Variants in E2F8 observed in about 807,000 individuals in gnomAD.
E2F8 encodes the protein transcription factor E2F8.
In E2F8, 35 loss-of-function variants were observed where a neutral mutation model predicts 80.8. The observed-to-expected ratio is 0.43, with a 90% CI of 0.33 to 0.57. The LOEUF (loss-of-function observed/expected upper bound fraction) is 0.57, where lower values mean the gene tolerates loss of function less well. Among genes scored for constraint, E2F8 ranks in the 20% least tolerant of loss-of-function variants. The pLI, the probability that E2F8 is intolerant of heterozygous loss-of-function variation, is 0.04. For synonymous variants in E2F8, 386 were observed against 395.0 expected, an observed-to-expected ratio of 0.98 and a Z score of 0.27; for missense variants, 975 against 1,056.2, an observed-to-expected ratio of 0.92 and a Z score of 1.07.
intron 12 of E2F8, 109 bp from the exon 13 acceptor site, chr11:19,224,949 G>A: frequency 7.5e-7 from 1 of 1,338,674 alleles, no homozygotes; most frequent in Non-Finnish European, 1.0e-6. Flanking sequence ...TTGGGAAACT[G>A]GCGTATCTTG....
chr11:19,234,474 T>G lies in E2F8; in HGVS notation c.814A>C (p.Lys272Gln). 6.2e-7 allele frequency: 1 copy of G among 1,614,224 alleles called. No individual in the cohort carries two copies. Among genetic ancestry groups the G allele is most frequent in the Non-Finnish European group, 8.5e-7 (1 of 1,180,040 alleles). Residue 272 changes from lysine to glutamine, a missense_variant, in exon 6 of 13, where the codon AAA (lysine) becomes CAA (glutamine). Physicochemically the swap from Lys to Gln is moderately conservative, Grantham distance 53. Transcript: ENST00000250024. Reference protein sequence around the residue: ...KDKSLRVMSQKFVMLFLVSTP... With the variant: ...KDKSLRVMSQQFVMLFLVSTP... ...GACACCAAAAACAGCATCACAAATT[T>G]CTGGCTCATTACCCTTAAAGACTTG... is the stretch of plus-strand genomic sequence containing the variant.
rs1851576080 is a variant in E2F8 at position 19,238,271 on chromosome 11, T to C, written c.16-139A>G. On this transcript the variant is annotated intron_variant, in intron 2 of 12. Coordinates refer to ENST00000250024, the MANE Select transcript of E2F8 (RefSeq NM_024680.4). ...GAGATTGTAGAGTTGAGGAAATTAA[T>C]AACTGTATTCTAATGGTCATGTGAT... 3 of 830,026 alleles carry C rather than the reference T, an allele frequency of 3.6e-6. No homozygotes were observed. In the South Asian group the frequency reaches 5.6e-5, roughly 15 times the overall value. 51.4% of individuals were successfully genotyped at this position (830,026 alleles called of 1,614,324 possible). A position where few individuals can be genotyped will look rare whatever the true frequency, so the allele number is the denominator to read the frequency against.
intron 3 of E2F8, 143 bp from the exon 4 acceptor site, chr11:19,237,613 G>T (rs1435494392): frequency 4.7e-6 from 5 of 1,062,964 alleles, no homozygotes; most frequent in African/African-American, 1.6e-5. Context: ...AAAAGGTTAG[G>T]GGGGCCAGTA....
chr11:19,241,545 G>C (rs1235441775), upstream of E2F8: 1 of 152,520 alleles, frequency 6.6e-6, no homozygotes, highest in Non-Finnish European at 1.5e-5. This position sits in a 1 kb window ranked among gnomAD's most constrained non-coding sequence, Gnocchi z 4.5. Flanking sequence ...GGAGAGAGAC[G>C]CCGGGACCGG....
chr11:19,230,601 A>G, intron 8 of E2F8, 30 bp downstream of exon 8: 1 of 1,606,508 alleles, frequency 6.2e-7, no homozygotes, highest in Non-Finnish European at 8.5e-7. Context: ...AATTCTTCCT[A>G]GCAGATCCCT....
chr11:19,239,763 G>C (rs1429843944), intron 2 of E2F8, among the ~76,000 whole-genome samples: 1 of 149,290 alleles, frequency 6.7e-6, no homozygotes, highest in African/African-American at 2.5e-5. Flanking sequence ...GACATAAAGA[G>C]AGAAAAGGTA....
chr11:19,234,352 A>C lies in E2F8; in HGVS notation c.928+8T>G, dbSNP rs764037507. On this transcript the variant is annotated splice_region_variant and intron_variant, in intron 6 of 12. Coordinates refer to ENST00000250024, the MANE Select transcript of E2F8 (RefSeq NM_024680.4). ...GGTTCAAAAATCCATGGCAGTCATG[A>C]CACTTACTTTTAAACTTGCTTTTAT... 3.1e-6 allele frequency: 5 copies of C among 1,613,184 alleles called. No individual in the cohort carries two copies. The South Asian group carries it at 5.5e-5, about 18-fold the overall frequency.
chr11:19,224,893 A>C, intron 12 of E2F8, 53 bp from the exon 13 acceptor site: 1 of 1,588,898 alleles, frequency 6.3e-7, no homozygotes, highest in South Asian at 1.1e-5. Context: ...ACAGGTACAT[A>C]GTCTTACCAG....
Position 19,225,811 on chromosome 11 carries a change from C to A in E2F8, c.1947G>T (p.Gly649=). 1 of 1,613,898 alleles carries A rather than the reference C, an allele frequency of 6.2e-7. No homozygotes were observed. The highest frequency in any genetic ancestry group is 8.5e-7 in the Non-Finnish European group (1 of 1,179,994). Reference sequence around the variant, plus strand: ...CTTTACCAGACAAAATGGACTCTGCCCCCAGGGATGAGCACTGCGTGAGAG... The same window carrying A: ...CTTTACCAGACAAAATGGACTCTGCACCCAGGGATGAGCACTGCGTGAGAG... The part of the protein sequence containing the change: ...LIPLTQCSSL[G]AESILSGKEN... Residue 649 remains glycine, a synonymous_variant, in exon 11 of 13, where the codon GGG becomes GGT. Transcript: ENST00000250024.
chr11:19,230,037 G>A (rs953227639), intron 9 of E2F8, 49 bp from the exon 10 acceptor site: 6 of 1,604,442 alleles, frequency 3.7e-6, no homozygotes, highest in Non-Finnish European at 5.1e-6. Flanking sequence ...CATTTTTTCT[G>A]AACTGTTCTA....
chr11:19,237,957 T>C lies in E2F8; in HGVS notation c.191A>G (p.Lys64Arg). The C allele has an allele frequency of 6.2e-7, 1 of 1,614,178 alleles. No homozygotes were observed. The highest frequency in any genetic ancestry group is 8.5e-7 in the Non-Finnish European group (1 of 1,180,032). The change falls in exon 3 of 13, where the codon AAA becomes AGA. Residue 64 changes from lysine to arginine, a missense_variant. Lys to Arg is a conservative substitution (Grantham distance 26, BLOSUM62 2). Transcript: ENST00000250024. ...GEPWTPTANLKMLISAVSPEI... is the reference protein window; with the variant it reads ...GEPWTPTANLRMLISAVSPEI... ...AGGGCTCACAGCACTGATGAGCATT[T>C]TCAGGTTGGCTGTCGGTGTCCACGG...
rs1275676591 is a variant in E2F8 at position 19,232,367 on chromosome 11, T to C, written c.933A>G (p.Lys311=). ...EDLDKSKFKT[K]IRRLYDIANV... is the part of the protein sequence containing the mutation. ...TAGCTATATCATACAACCTCCTAAT[T>C]TTTGCTGGGAAAAAAAGTATATATA... is the stretch of plus-strand genomic sequence containing the variant. The change falls in exon 7 of 13, where the codon AAA becomes AAG. Residue 311 remains lysine, a synonymous_variant. Transcript: ENST00000250024. 5.6e-6 allele frequency: 9 copies of C among 1,609,502 alleles called. No individual in the cohort carries two copies. Among genetic ancestry groups the C allele is most frequent in the Non-Finnish European group, 6.8e-6 (8 of 1,178,806 alleles).
chr11:19,234,807 T>C lies in E2F8; in HGVS notation c.703A>G (p.Thr235Ala), dbSNP rs1461484430. The change falls in exon 5 of 13, where the codon ACT becomes GCT. Residue 235 changes from threonine (T) to alanine (A), a missense_variant. By Grantham distance (58) the Thr-to-Ala change is moderately conservative. Coordinates refer to ENST00000250024, the MANE Select transcript of E2F8 (RefSeq NM_024680.4). Reference protein sequence around the residue: ...SIEDHIIKSNTGPNGHPDMCF... With the variant: ...SIEDHIIKSNAGPNGHPDMCF... ...ATGTCTGGGTGTCCATTTGGGCCAG[T>C]GTTTGATTTGATGATATGATCCTCT... 7.4e-6 allele frequency: 12 copies of C among 1,614,236 alleles called. No homozygotes were observed. Among genetic ancestry groups the C allele is most frequent in the Non-Finnish European group, 1.0e-5 (12 of 1,180,032 alleles).
At chr11:19,237,616 G>A in intron 3 of E2F8, 146 bp from the exon 4 acceptor site, 2 of 1,051,000 alleles carry the variant, frequency 1.9e-6, no homozygotes, top group Non-Finnish European at 2.7e-6. Flanking sequence ...AGGTTAGGGG[G>A]GCCAGTACAA....
intron 7 of E2F8, among the ~76,000 whole-genome samples, chr11:19,231,525 C>A (rs767091586): frequency 1.3e-5 from 2 of 152,150 alleles, no homozygotes; most frequent in Non-Finnish European, 1.5e-5. Context: ...GTCTTCATGG[C>A]CCACGTTCTT....
chr11:19,226,995 C>A (rs1851252789), intron 10 of E2F8, among the ~76,000 whole-genome samples: 1 of 152,208 alleles, frequency 6.6e-6, no homozygotes, highest in South Asian at 2.1e-4. Flanking sequence ...CCTATTAGAT[C>A]ACTGTACTTT....
Position 19,230,720 on chromosome 11 carries a change from T to A in E2F8, c.1181A>T (p.His394Leu), listed in dbSNP as rs779838635. ...CTTTACCAATTTGATAAGAGATGGG[T>A]GTCGAGTAAAGTTTGGTTTCCCACG... is the stretch of plus-strand genomic sequence containing the variant. ...STRGKPNFTR[H>L]PSLIKLVKSI... Residue 394 changes from histidine to leucine, a missense_variant, in exon 8 of 13, where the codon CAC becomes CTC. Transcript: ENST00000250024. 6.2e-7 allele frequency: 1 copy of A among 1,614,128 alleles called. No homozygotes were observed.
intron 6 of E2F8, 30 bp downstream of exon 6, chr11:19,234,330 T>G (rs1851458168): frequency 1.2e-6 from 2 of 1,609,778 alleles, no homozygotes; most frequent in African/African-American, 2.7e-5. Flanking sequence ...AAGAATAGGT[T>G]CAAAAATCCA....
chr11:19,228,908 A>G (rs1156952953), intron 10 of E2F8, among the ~76,000 whole-genome samples: 1 of 152,244 alleles, frequency 6.6e-6, no homozygotes, highest in Non-Finnish European at 1.5e-5. Flanking sequence ...AAATCTCTAG[A>G]AACCAATACA....
Sources: allele counts gnomAD v4.1 joint callset (sites outside exome capture counted in the v4.1 genomes callset), GRCh38; gene constraint gnomAD v4.1.1; non-coding constraint Gnocchi (gnomAD v3.1); transcripts MANE v1.5; gene names NCBI Gene and HGNC (gene_info 2026-07-23, HGNC 2026-07-21).